EZH2: variants seen among roughly 807,000 people sequenced by gnomAD.
The protein encoded by EZH2 is histone-lysine N-methyltransferase EZH2.
Under a neutral mutation model 98.4 loss-of-function variants are expected in EZH2, and 18 were observed. The ratio of observed to expected loss-of-function variants is 0.18; its 90% CI spans 0.13 to 0.27. The LOEUF (loss-of-function observed/expected upper bound fraction) is 0.27, where lower values mean the gene tolerates loss of function less well. Ranked by LOEUF, EZH2 falls within the 10% of genes least tolerant of loss-of-function variation. The probability of loss-of-function intolerance (pLI) is 1.00; values close to 1 mark genes in which losing one functional copy is unlikely to be tolerated. For missense variants in EZH2, 470 were observed against 935.1 expected, an observed-to-expected ratio of 0.50 and a Z score of 6.49; for synonymous variants, 338 against 312.3, an observed-to-expected ratio of 1.08 and a Z score of -0.87.
intron 1 of EZH2, among the ~76,000 whole-genome samples, chr7:148,853,761 T>G (rs1816295937): frequency 6.6e-6 from 1 of 152,226 alleles, no homozygotes; most frequent in African/African-American, 2.4e-5. Flanking sequence ...TTTCAAGTAT[T>G]TTTACCCACA....
In EZH2 at chr7:148,824,351, AAC is replaced by A. The variant is rs565553191; in HGVS notation, c.907+2101_907+2102del. 4.8e-3 allele frequency among the ~76,000 whole-genome samples: 732 copies of A among 152,170 alleles called. 11 individuals are homozygous for A. Among genetic ancestry groups the A allele is most frequent in the African/African-American group, 0.017 (700 of 41,518 alleles). On this transcript the variant is annotated intron_variant, in intron 8 of 19. Coordinates refer to ENST00000320356, the MANE Select transcript of EZH2 (RefSeq NM_004456.5). Reference sequence around the variant, plus strand: ...AAAACAACAACAACAACAAAAAAGAAACAGTCATGTGCTGCATACCATCTGAG... The same window carrying A: ...AAAACAACAACAACAACAAAAAAGAAAGTCATGTGCTGCATACCATCTGAG...
chr7:148,872,036 C>A (rs748348407), intron 1 of EZH2, among the ~76,000 whole-genome samples: 1 of 152,156 alleles, frequency 6.6e-6, no homozygotes. Context: ...GCATATTACT[C>A]CTGGCTAACC....
intron 3 of EZH2, among the ~76,000 whole-genome samples, chr7:148,843,488 CT>C (rs1291043211): frequency 6.6e-6 from 1 of 151,174 alleles, no homozygotes. Flanking sequence ...CTTCAGTAAA[CT>C]TTTGTCCGAC....
chr7:148,838,200 C>T (rs1811410231), intron 3 of EZH2, among the ~76,000 whole-genome samples: 1 of 151,532 alleles, frequency 6.6e-6, no homozygotes, highest in Non-Finnish European at 1.5e-5. Context: ...TCCCGAGTAG[C>T]TGGGACTACA....
intron 1 of EZH2, among the ~76,000 whole-genome samples, chr7:148,881,520 G>A (rs774741405): frequency 2.0e-5 from 3 of 152,096 alleles, no homozygotes; most frequent in Non-Finnish European, 4.4e-5. Context: ...AATTGTACCA[G>A]AAAATAATTT....
intron 15 of EZH2, 176 bp from the exon 16 acceptor site, chr7:148,811,896 T>C (rs377543670): frequency 3.4e-6 from 2 of 583,274 alleles, no homozygotes; most frequent in Non-Finnish European, 6.1e-6. Context: ...AGAATGGCTA[T>C]GAACATTATG....
chr7:148,821,424 A>T (rs1193751551), intron 8 of EZH2, among the ~76,000 whole-genome samples: 4 of 152,220 alleles, frequency 2.6e-5, no homozygotes, highest in African/African-American at 4.8e-5. Flanking sequence ...GGTTAGTTAG[A>T]CTTAACCCTT....
chr7:148,866,564 A>G (rs966558597), intron 1 of EZH2, among the ~76,000 whole-genome samples: 4 of 143,232 alleles, frequency 2.8e-5, no homozygotes, highest in Admixed American at 1.4e-4. Flanking sequence ...ACATATATAC[A>G]TATATATACG....
intron 1 of EZH2, among the ~76,000 whole-genome samples, chr7:148,867,869 A>C (rs1818766842): frequency 6.6e-6 from 1 of 152,216 alleles, no homozygotes; most frequent in African/African-American, 2.4e-5. Context: ...CAGATACCCT[A>C]AACATCTCAA....
chr7:148,809,926 T>C (rs1802561283), intron 17 of EZH2, among the ~76,000 whole-genome samples: 1 of 152,190 alleles, frequency 6.6e-6, no homozygotes, highest in Admixed American at 6.5e-5. Flanking sequence ...TTCCTCTCAG[T>C]CCTTTGAGAA....
chr7:148,813,921 A>G (rs1406122998), intron 15 of EZH2, 38 bp downstream of exon 15: 1 of 1,587,916 alleles, frequency 6.3e-7, no homozygotes, highest in Admixed American at 1.7e-5. Flanking sequence ...CTAAATAGCT[A>G]ACTACAAACA....
intron 8 of EZH2, among the ~76,000 whole-genome samples, chr7:148,825,380 TATA>T (rs888772923): frequency 9.9e-5 from 15 of 152,212 alleles, no homozygotes; most frequent in African/African-American, 3.6e-4. Context: ...GAGGTAACAA[TATA>T]ATGATAATTC....
At chr7:148,878,664 T>A (rs921139771) in intron 1 of EZH2, among the ~76,000 whole-genome samples, 4 of 151,498 alleles carry the variant, frequency 2.6e-5, no homozygotes, top group Admixed American at 6.6e-5. Context: ...TTTGGGAGGC[T>A]GAGGTAGGTG....
At chr7:148,877,015 A>C (rs985412443) in intron 1 of EZH2, among the ~76,000 whole-genome samples, 1 of 152,160 alleles carries the variant, frequency 6.6e-6, no homozygotes, top group South Asian at 2.1e-4. Flanking sequence ...TAAAATAATG[A>C]CTTAGAAGAG....
At chr7:148,833,431 T>C (rs1351099783) in intron 3 of EZH2, among the ~76,000 whole-genome samples, 1 of 149,672 alleles carries the variant, frequency 6.7e-6, no homozygotes, top group Non-Finnish European at 1.5e-5. Context: ...CACTCCAGCC[T>C]GGGCGACAGA....
At chr7:148,842,943 C>T (rs557843818) in intron 3 of EZH2, among the ~76,000 whole-genome samples, 26 of 151,588 alleles carry the variant, frequency 1.7e-4, no homozygotes, top group Admixed American at 5.9e-4. Flanking sequence ...CTCGGTGGCT[C>T]ACACTTGTAA....
At chr7:148,823,122 A>G (rs1321407576) in intron 8 of EZH2, among the ~76,000 whole-genome samples, 1 of 152,234 alleles carries the variant, frequency 6.6e-6, no homozygotes, top group African/African-American at 2.4e-5. Context: ...TTTTTCACTT[A>G]TAAAATCAAT....
At chr7:148,859,539 G>A (rs73747709) in intron 1 of EZH2, among the ~76,000 whole-genome samples, 3,634 of 107,538 alleles carry the variant, frequency 0.034, 138 homozygotes, top group African/African-American at 0.11. Flanking sequence ...CAACAACAAA[G>A]TAAAATGTTT....
At chr7:148,835,406 G>A (rs573600598) in intron 3 of EZH2, among the ~76,000 whole-genome samples, 5 of 147,488 alleles carry the variant, frequency 3.4e-5, no homozygotes, top group Non-Finnish European at 7.4e-5. Flanking sequence ...CCTGGGTGAC[G>A]ACGGGAGACC....
Sources: allele counts gnomAD v4.1 joint callset (sites outside exome capture counted in the v4.1 genomes callset), GRCh38; gene constraint gnomAD v4.1.1; transcripts MANE v1.5; gene names NCBI Gene and HGNC (gene_info 2026-07-23, HGNC 2026-07-21).